The following NRG3 variants were observed in gnomAD, a reference collection of about 807,000 sequenced individuals.
The protein encoded by NRG3 is neuregulin 3, also known as pro-neuregulin-3, membrane-bound isoform.
NRG3 carries 31 observed loss-of-function variants against 66.9 expected under a neutral mutation model. The observed-to-expected ratio is 0.46, with a 90% CI of 0.35 to 0.63. The LOEUF (loss-of-function observed/expected upper bound fraction) is 0.63, where lower values mean the gene tolerates loss of function less well. Among genes scored for constraint, NRG3 ranks in the 20% least tolerant of loss-of-function variants. NRG3 has a pLI of 0.00. For synonymous variants in NRG3, 393 were observed against 359.4 expected, an observed-to-expected ratio of 1.09 and a Z score of -1.06; for missense variants, 910 against 878.9, an observed-to-expected ratio of 1.04 and a Z score of -0.45.
intron 2 of NRG3, among the ~76,000 whole-genome samples, chr10:82,565,294 G>A (rs570229283): frequency 6.6e-6 from 1 of 152,138 alleles, no homozygotes; most frequent in South Asian, 2.1e-4. Flanking sequence ...TCATGTACAT[G>A]GAGAGTGAAT....
intron 3 of NRG3, among the ~76,000 whole-genome samples, chr10:82,750,415 G>T (rs781572062): frequency 1.3e-5 from 2 of 152,128 alleles, no homozygotes; most frequent in Non-Finnish European, 2.9e-5. Flanking sequence ...ATCTCATAAT[G>T]TGGATTAAGA....
At chr10:82,324,040 T>G (rs908331897) in intron 1 of NRG3, among the ~76,000 whole-genome samples, 4 of 152,116 alleles carry the variant, frequency 2.6e-5, no homozygotes, top group African/African-American at 9.7e-5. Flanking sequence ...AATTTTTGTA[T>G]TTTTTGTAGA....
chr10:82,772,035 T>C (rs2059731245), intron 3 of NRG3, among the ~76,000 whole-genome samples: 1 of 152,212 alleles, frequency 6.6e-6, no homozygotes, highest in Non-Finnish European at 1.5e-5. Flanking sequence ...CATGGGATTA[T>C]GAATATTGTC....
intron 1 of NRG3, among the ~76,000 whole-genome samples, chr10:81,904,404 C>T (rs1415351194): frequency 6.6e-6 from 1 of 152,026 alleles, no homozygotes; most frequent in Non-Finnish European, 1.5e-5. Context: ...TAATTATCAT[C>T]CCTGGTATAA....
At chr10:82,760,487 C>A (rs2059259543) in intron 3 of NRG3, among the ~76,000 whole-genome samples, 1 of 152,120 alleles carries the variant, frequency 6.6e-6, no homozygotes, top group Non-Finnish European at 1.5e-5. Flanking sequence ...AAAAACATTA[C>A]TCTGATAATT....
intron 2 of NRG3, among the ~76,000 whole-genome samples, chr10:82,445,727 T>A (rs1405414349): frequency 1.3e-5 from 2 of 152,182 alleles, no homozygotes; most frequent in African/African-American, 4.8e-5. Flanking sequence ...CTCTCTGTTG[T>A]ATTCCAGTAA....
intron 1 of NRG3, among the ~76,000 whole-genome samples, chr10:82,177,943 A>G (rs1280862605): frequency 6.6e-6 from 1 of 152,142 alleles, no homozygotes; most frequent in Non-Finnish European, 1.5e-5. Flanking sequence ...CTCCTGCCTC[A>G]GCCTCCAAAA....
intron 1 of NRG3, among the ~76,000 whole-genome samples, chr10:82,259,116 G>A (rs1240586785): frequency 6.6e-6 from 1 of 152,066 alleles, no homozygotes; most frequent in Non-Finnish European, 1.5e-5. Flanking sequence ...CATATGAAAG[G>A]GAGCTTTTCA....
At chr10:82,385,570 A>T (rs191073345) in intron 2 of NRG3, among the ~76,000 whole-genome samples, 2 of 152,164 alleles carry the variant, frequency 1.3e-5, no homozygotes, top group African/African-American at 4.8e-5. Flanking sequence ...CTGAGATTGA[A>T]TTAGATTAAG....
chr10:82,724,826 T>C (rs911182332), intron 2 of NRG3, among the ~76,000 whole-genome samples: 3 of 152,214 alleles, frequency 2.0e-5, no homozygotes, highest in African/African-American at 7.2e-5. Flanking sequence ...CTTTATAATG[T>C]CAATCATAAG....
intron 2 of NRG3, among the ~76,000 whole-genome samples, chr10:82,502,953 T>C (rs1844339471): frequency 6.6e-6 from 1 of 152,198 alleles, no homozygotes; most frequent in Non-Finnish European, 1.5e-5. Flanking sequence ...TTTGCATTCT[T>C]TTGCCTTCCA....
At chr10:82,510,461 G>T (rs1309339028) in intron 2 of NRG3, among the ~76,000 whole-genome samples, 1 of 152,122 alleles carries the variant, frequency 6.6e-6, no homozygotes, top group Non-Finnish European at 1.5e-5. Context: ...TTCTTATTTT[G>T]ATGGTTTCAG....
At position 82,809,499 on chromosome 10, in the gene NRG3, C is replaced by T. The variant is rs556041685; in HGVS notation, c.1028-55912C>T. 2.4e-4 allele frequency among the ~76,000 whole-genome samples: 36 copies of T among 152,126 alleles called. 1 individual carries two copies. The South Asian group carries it at 6.8e-3, about 29-fold the overall frequency. On this transcript the variant is annotated intron_variant, in intron 3 of 8. Transcript: ENST00000372141. Reference sequence around the variant, plus strand: ...GCTCCTCTGAGATGTAAATTATCTTCCTTAGCATTCCTAAGTTTGTAACTA... The same window carrying T: ...GCTCCTCTGAGATGTAAATTATCTTTCTTAGCATTCCTAAGTTTGTAACTA...
intron 3 of NRG3, among the ~76,000 whole-genome samples, chr10:82,834,668 C>G (rs1317048256): frequency 6.6e-6 from 1 of 152,178 alleles, no homozygotes; most frequent in Admixed American, 6.6e-5. Context: ...GCTGCTGTGT[C>G]CCTCTCAGAG....
At chr10:82,317,004 C>A (rs1371617398) in intron 1 of NRG3, among the ~76,000 whole-genome samples, 2 of 152,164 alleles carry the variant, frequency 1.3e-5, no homozygotes, top group East Asian at 3.9e-4. Context: ...AATTAGCTTA[C>A]CTTTCCAATC....
intron 2 of NRG3, among the ~76,000 whole-genome samples, chr10:82,434,818 T>A (rs1340517483): frequency 2.0e-5 from 3 of 152,120 alleles, no homozygotes; most frequent in Admixed American, 6.6e-5. Flanking sequence ...GTGGATAAGT[T>A]GTTTGATGTT....
chr10:82,742,790 C>T (rs2058480926), intron 3 of NRG3, among the ~76,000 whole-genome samples: 1 of 152,096 alleles, frequency 6.6e-6, no homozygotes, highest in Non-Finnish European at 1.5e-5. Context: ...CCTGGTTTTC[C>T]TTCCTTACTA....
At chr10:82,537,451 T>C (rs2043239138) in intron 2 of NRG3, among the ~76,000 whole-genome samples, 1 of 152,156 alleles carries the variant, frequency 6.6e-6, no homozygotes, top group Admixed American at 6.5e-5. Context: ...GGGACCCCTT[T>C]TGTTTATTAC....
At chr10:82,314,463 A>T (rs930593859) in intron 1 of NRG3, among the ~76,000 whole-genome samples, 2 of 151,224 alleles carry the variant, frequency 1.3e-5, no homozygotes, top group Non-Finnish European at 3.0e-5. Flanking sequence ...TTAAAATTTA[A>T]AAAAAAAATG....
Sources: allele counts gnomAD v4.1 joint callset (sites outside exome capture counted in the v4.1 genomes callset), GRCh38; gene constraint gnomAD v4.1.1; transcripts MANE v1.5; gene names NCBI Gene and HGNC (gene_info 2026-07-23, HGNC 2026-07-21).